The following RALGPS2 variants were observed in gnomAD, a reference collection of about 807,000 sequenced individuals.
RALGPS2 encodes Ral GEF with PH domain and SH3 binding motif 2.
Under a neutral mutation model 86.8 loss-of-function variants are expected in RALGPS2, and 43 were observed. The ratio of observed to expected loss-of-function variants is 0.50; its 90% CI spans 0.39 to 0.64. The LOEUF is 0.64. RALGPS2 is among the 30% of genes least tolerant of loss of function. The probability of loss-of-function intolerance (pLI) is 0.00; values close to 1 mark genes in which losing one functional copy is unlikely to be tolerated. For synonymous variants in RALGPS2, 243 were observed against 231.3 expected (o/e 1.05, Z -0.46); for missense variants, 536 against 694.6 (o/e 0.77, Z 2.57).
At chr1:178,794,457 G>A (rs1007954313) in intron 4 of RALGPS2, among the ~76,000 whole-genome samples, 1 of 151,990 alleles carries the variant, frequency 6.6e-6, no homozygotes, top group Non-Finnish European at 1.5e-5. Flanking sequence ...TTATTTATAG[G>A]GCTTCTCTCC....
chr1:178,911,086 G>C (rs745756280), intron 19 of RALGPS2, among the ~76,000 whole-genome samples: 36 of 152,074 alleles, frequency 2.4e-4, no homozygotes, highest in Non-Finnish European at 3.7e-4. Flanking sequence ...TATTTCTTTG[G>C]AGTCAGTTGT....
chr1:178,764,594 G>A (rs891686901), intron 1 of RALGPS2, among the ~76,000 whole-genome samples: 2 of 152,188 alleles, frequency 1.3e-5, no homozygotes, highest in East Asian at 1.9e-4. Flanking sequence ...ATAGTGGCCA[G>A]TAACTGTTTT....
chr1:178,811,220 A>C, intron 5 of RALGPS2, 95 bp from the exon 6 acceptor site: 1 of 793,186 alleles, frequency 1.3e-6, no homozygotes, highest in Non-Finnish European at 2.0e-6. Flanking sequence ...TTAATTTTAG[A>C]GCTTACCTAA....
At chr1:178,792,928 T>C (rs890532935) in intron 4 of RALGPS2, among the ~76,000 whole-genome samples, 2 of 152,218 alleles carry the variant, frequency 1.3e-5, no homozygotes, top group African/African-American at 4.8e-5. Flanking sequence ...AGTTGCTCTC[T>C]CACTTTCCGT....
chr1:178,824,428 CAA>C (rs994470566), intron 7 of RALGPS2, among the ~76,000 whole-genome samples: 21 of 152,092 alleles, frequency 1.4e-4, no homozygotes, highest in African/African-American at 4.6e-4. Flanking sequence ...AAAAAAATGA[CAA>C]GAGAATGAGG....
chr1:178,822,644 T>G (rs1474743504), intron 7 of RALGPS2, among the ~76,000 whole-genome samples: 1 of 152,088 alleles, frequency 6.6e-6, no homozygotes, highest in Non-Finnish European at 1.5e-5. Context: ...TGTGATCCTT[T>G]TTATGTTTCT....
chr1:178,820,061 A>G (rs951109711), intron 6 of RALGPS2, among the ~76,000 whole-genome samples: 3 of 152,220 alleles, frequency 2.0e-5, no homozygotes, highest in African/African-American at 7.2e-5. Flanking sequence ...CCTCCTGCTT[A>G]TGTAATACCT....
intron 6 of RALGPS2, among the ~76,000 whole-genome samples, chr1:178,813,800 CA>C (rs1572358706): frequency 6.6e-6 from 1 of 152,254 alleles, no homozygotes; most frequent in East Asian, 1.9e-4. Context: ...TTCAACTGAT[CA>C]AATGAGGCCC....
At chr1:178,818,965 A>G (rs1273259717) in intron 6 of RALGPS2, among the ~76,000 whole-genome samples, 1 of 150,432 alleles carries the variant, frequency 6.6e-6, no homozygotes, top group African/African-American at 2.4e-5. Context: ...CTAGTTCAGC[A>G]TGAGTTTTTG....
intron 4 of RALGPS2, among the ~76,000 whole-genome samples, chr1:178,797,950 T>G (rs1239426984): frequency 6.7e-6 from 1 of 148,406 alleles, no homozygotes; most frequent in Non-Finnish European, 1.5e-5. Context: ...AATAAATATT[T>G]TGGAAATTTT....
At chr1:178,802,100 A>G (rs1331748585) in intron 4 of RALGPS2, among the ~76,000 whole-genome samples, 1 of 152,076 alleles carries the variant, frequency 6.6e-6, no homozygotes, top group Non-Finnish European at 1.5e-5. Flanking sequence ...GAAAATTTGC[A>G]GGTAAAACTC....
chr1:178,865,632 A>G (rs142483649), intron 8 of RALGPS2: 130 of 1,613,832 alleles, frequency 8.1e-5, no homozygotes, highest in Non-Finnish European at 1.0e-4. Flanking sequence ...GTGTATGCAC[A>G]TTTCTTTGCT....
chr1:178,884,699 AG>A (rs2102377075), intron 11 of RALGPS2, among the ~76,000 whole-genome samples: 1 of 152,300 alleles, frequency 6.6e-6, no homozygotes, highest in African/African-American at 2.4e-5. Context: ...TTTATCTAAG[AG>A]GAAGTTGAAA....
At chr1:178,865,719 G>A (rs1487384053) in intron 8 of RALGPS2, 1 of 1,613,454 alleles carries the variant, frequency 6.2e-7, no homozygotes, top group Non-Finnish European at 8.5e-7. Flanking sequence ...CCTCTGCAAT[G>A]TCCAGTGTCC....
intron 4 of RALGPS2, among the ~76,000 whole-genome samples, chr1:178,804,192 C>T (rs551343554): frequency 6.7e-5 from 10 of 149,426 alleles, no homozygotes; most frequent in South Asian, 4.2e-4. Flanking sequence ...CTCAGTTATT[C>T]GCATCTTTCC....
intron 8 of RALGPS2, chr1:178,865,172 C>A: frequency 6.2e-7 from 1 of 1,611,694 alleles, no homozygotes. Flanking sequence ...GGAAAATATC[C>A]TCAAGCACTG....
intron 8 of RALGPS2, among the ~76,000 whole-genome samples, chr1:178,871,840 A>G (rs1361045627): frequency 6.6e-6 from 1 of 152,330 alleles, no homozygotes; most frequent in East Asian, 1.9e-4. Flanking sequence ...TATGCCAGCT[A>G]TGTGAACTTA....
At chr1:178,794,261 C>T (rs1008939702) in intron 4 of RALGPS2, among the ~76,000 whole-genome samples, 1 of 152,008 alleles carries the variant, frequency 6.6e-6, no homozygotes, top group Non-Finnish European at 1.5e-5. Context: ...GGACTACAGG[C>T]GCATGCCACC....
Position 178,856,394 on chromosome 1 carries a change from A to ATTTTTTTTTTTTTTT in RALGPS2, c.608-21086_608-21072dup, listed in dbSNP as rs71108081. On this transcript the variant is annotated intron_variant, in intron 8 of 19. Coordinates refer to ENST00000367635, the MANE Select transcript of RALGPS2 (RefSeq NM_152663.5). ...AGGCAAGTGCCACCCTGCCTGGCTA[A>ATTTTTTTTTTTTTTT]TTTTTTTTTTTTTTTTTTTTTTTTT... Among the ~76,000 whole-genome samples, 95 of 36,434 alleles carry ATTTTTTTTTTTTTTT rather than the reference A, an allele frequency of 2.6e-3. 20 individuals carry two copies. Among genetic ancestry groups the ATTTTTTTTTTTTTTT allele is most frequent in the African/African-American group, 3.5e-3 (24 of 6,868 alleles). The allele number at this position is 36,434 out of a possible 152,430, so 23.9% of individuals were successfully genotyped here.
Sources: allele counts gnomAD v4.1 joint callset (sites outside exome capture counted in the v4.1 genomes callset), GRCh38; gene constraint gnomAD v4.1.1; transcripts MANE v1.5; gene names NCBI Gene and HGNC (gene_info 2026-07-23, HGNC 2026-07-21).